Variants in ABLIM2 observed in about 807,000 individuals in gnomAD.
ABLIM2 encodes the protein actin binding LIM protein family member 2.
ABLIM2 carries 53 observed loss-of-function variants against 97.7 expected under a neutral mutation model. That is an observed-to-expected ratio of 0.54 (90% CI 0.44 to 0.68). The LOEUF (loss-of-function observed/expected upper bound fraction) is 0.68. Ranked by LOEUF, ABLIM2 falls within the 30% of genes least tolerant of loss-of-function variation. The pLI, the probability that ABLIM2 is intolerant of heterozygous loss-of-function variation, is 0.00. For synonymous variants in ABLIM2, 361 were observed against 345.8 expected (o/e 1.04, Z -0.49); for missense variants, 835 against 867.2 (o/e 0.96, Z 0.47).
Position 8,130,285 on chromosome 4 carries a change from G to T in ABLIM2, c.11-23648C>A, listed in dbSNP as rs775567115. Among the ~76,000 whole-genome samples, 12 of 152,230 alleles carry T rather than the reference G, an allele frequency of 7.9e-5. No homozygotes were observed. The highest frequency in any genetic ancestry group is 1.8e-4 in the Non-Finnish European group (12 of 68,048). On this transcript the variant is annotated intron_variant, in intron 1 of 20. Coordinates refer to ENST00000447017, the MANE Select transcript of ABLIM2 (RefSeq NM_001130083.2). The surrounding 1 kb of genome is among the most constrained non-coding windows in gnomAD (Gnocchi z 4.2). ...CGGCCGCATCTGTCACCAGTTCCGGGATGGCCCATGCTGGGAAACATCACG... is the reference window on the plus strand; with the variant it reads ...CGGCCGCATCTGTCACCAGTTCCGGTATGGCCCATGCTGGGAAACATCACG...
At chr4:8,108,451 T>C (rs529897824) in intron 1 of ABLIM2, among the ~76,000 whole-genome samples, 1 of 152,290 alleles carries the variant, frequency 6.6e-6, no homozygotes, top group African/African-American at 2.4e-5. Flanking sequence ...AGGAGTCAAG[T>C]CCGGCCACGG....
rs1761005449 is a variant in ABLIM2, at chr4:8,005,938, C to T, written c.1618+2121G>A. On this transcript the variant is annotated intron_variant, in intron 16 of 20. Coordinates refer to ENST00000447017, the MANE Select transcript of ABLIM2 (RefSeq NM_001130083.2). The surrounding 1 kb of genome is among the most constrained non-coding windows in gnomAD (Gnocchi z 4.9). ...CACGGGCCATTGGAGTCCTGCAGAC[C>T]CAGCATGCCAGGATGGAGGCAGCCG... Among the ~76,000 whole-genome samples the T allele has an allele frequency of 6.6e-6, 1 of 152,194 alleles. No individual in the cohort carries two copies. The highest frequency in any genetic ancestry group is 2.4e-5 in the African/African-American group (1 of 41,458).
chr4:7,976,327 AAC>A (rs1423892289), intron 20 of ABLIM2, among the ~76,000 whole-genome samples: 3 of 152,134 alleles, frequency 2.0e-5, no homozygotes, highest in African/African-American at 7.2e-5. Flanking sequence ...CCAGTCCACA[AAC>A]AGTGTCCAAG....
intron 16 of ABLIM2, among the ~76,000 whole-genome samples, chr4:8,006,499 C>T (rs2150356631): frequency 6.6e-6 from 1 of 152,340 alleles, no homozygotes; most frequent in Non-Finnish European, 1.5e-5. Flanking sequence ...TCCTGGTTCC[C>T]AGGGCAAATG....
intron 1 of ABLIM2, among the ~76,000 whole-genome samples, chr4:8,110,057 T>C (rs1378308553): frequency 6.6e-6 from 1 of 152,224 alleles, no homozygotes; most frequent in Non-Finnish European, 1.5e-5. Flanking sequence ...AGGATTAGAA[T>C]TGTGGACTGA....
chr4:8,091,592 AT>A (rs1828284194), intron 3 of ABLIM2, among the ~76,000 whole-genome samples: 1 of 38,654 alleles, frequency 2.6e-5, no homozygotes, highest in African/African-American at 1.0e-4. Flanking sequence ...AAAATTATAT[AT>A]ATAATTATAT....
chr4:7,977,774 G>C (rs1734663969), intron 20 of ABLIM2, among the ~76,000 whole-genome samples: 1 of 116,064 alleles, frequency 8.6e-6, no homozygotes, highest in South Asian at 2.7e-4. Flanking sequence ...CTGGGAGACT[G>C]AGGGAGACTC....
intron 1 of ABLIM2, among the ~76,000 whole-genome samples, chr4:8,107,150 G>A (rs1042011267): frequency 6.6e-6 from 1 of 152,234 alleles, no homozygotes; most frequent in Non-Finnish European, 1.5e-5. Context: ...TCTGGGTCCT[G>A]GGACATGGAG....
At position 8,095,905 on chromosome 4, in the gene ABLIM2, T is replaced by G. The variant is rs1831329464; in HGVS notation, c.338+1194A>C. Among the ~76,000 whole-genome samples, 2 of 152,302 alleles carry G rather than the reference T, an allele frequency of 1.3e-5. No homozygotes were observed. The highest frequency in any genetic ancestry group is 1.3e-4 in the Admixed American group (2 of 15,294). On this transcript the variant is annotated intron_variant, in intron 3 of 20. Coordinates refer to ENST00000447017, the MANE Select transcript of ABLIM2 (RefSeq NM_001130083.2). The surrounding 1 kb of genome is among the most constrained non-coding windows in gnomAD (Gnocchi z 4.7). The stretch of plus-strand genomic sequence containing the variant: ...AACCTGGTCATTCTCTGCCCCACTG[T>G]GTGAAATTCCTCTGCGACTACAGGG...
rs1460448721 is a variant in ABLIM2, at chr4:8,032,180, C to A, written c.1048-2404G>T. Among the ~76,000 whole-genome samples the A allele has an allele frequency of 3.5e-5, 5 of 144,394 alleles. No homozygotes were observed. Among genetic ancestry groups the A allele is most frequent in the African/African-American group, 1.3e-4 (5 of 37,526 alleles). 94.7% of individuals were successfully genotyped at this position (144,394 alleles called of 152,430 possible). ...GTCTGATTGGCAGCTCTCTATGTCACTGATTAATTTTGAGAAACAGAAAAA... is the reference window on the plus strand; with the variant it reads ...GTCTGATTGGCAGCTCTCTATGTCAATGATTAATTTTGAGAAACAGAAAAA... On this transcript the variant is annotated intron_variant, in intron 10 of 20. Coordinates refer to ENST00000447017, the MANE Select transcript of ABLIM2 (RefSeq NM_001130083.2). The surrounding 1 kb of genome is among the most constrained non-coding windows in gnomAD (Gnocchi z 4.3).
intron 12 of ABLIM2, among the ~76,000 whole-genome samples, chr4:8,026,636 C>T (rs1432095221): frequency 1.3e-5 from 2 of 152,364 alleles, no homozygotes; most frequent in East Asian, 3.9e-4. Flanking sequence ...ATCATTGCTG[C>T]CTCCTCTAAT....
rs1484776497 is a variant in ABLIM2 at position 8,124,341 on chromosome 4, G to C, written c.11-17704C>G. On this transcript the variant is annotated intron_variant, in intron 1 of 20. Coordinates refer to ENST00000447017, the MANE Select transcript of ABLIM2 (RefSeq NM_001130083.2). The surrounding 1 kb of genome is among the most constrained non-coding windows in gnomAD (Gnocchi z 6.1). ...ATGGCTTTTGGTATTTCACAGAGCT[G>C]CGTGCTGATCACCATAATCCATTTT... 1.3e-5 allele frequency among the ~76,000 whole-genome samples: 2 copies of C among 152,194 alleles called. No homozygotes were observed. The highest frequency in any genetic ancestry group is 2.9e-5 in the Non-Finnish European group (2 of 68,038).
chr4:7,979,525 T>C (rs904170652), intron 20 of ABLIM2, among the ~76,000 whole-genome samples: 1 of 152,248 alleles, frequency 6.6e-6, no homozygotes, highest in Non-Finnish European at 1.5e-5. Flanking sequence ...ACCTGAGTCA[T>C]GTGACAGGCA....
intron 1 of ABLIM2, among the ~76,000 whole-genome samples, chr4:8,139,683 G>C (rs746791770): frequency 2.0e-5 from 3 of 152,204 alleles, no homozygotes; most frequent in Non-Finnish European, 4.4e-5. Flanking sequence ...CATTGTGAAA[G>C]ATAGTGTGCT....
Position 7,966,782 on chromosome 4 carries a change from G to A in ABLIM2, c.*208C>T, listed in dbSNP as rs373567508. ...ACACCAAGCCACAGCGGGGAAGGGT[G>A]GCGTGAAGCTAGCCGTCTCGGCCCT... On this transcript the variant is annotated 3_prime_UTR_variant, in exon 21 of 21. Transcript: ENST00000447017. The A allele has an allele frequency of 3.5e-6, 2 of 564,754 alleles. No individual in the cohort carries two copies. The highest frequency in any genetic ancestry group is 4.7e-5 in the South Asian group (2 of 42,836). 35.0% of individuals were successfully genotyped at this position (564,754 alleles called of 1,614,324 possible).
Position 8,022,615 on chromosome 4 carries a change from G to T in ABLIM2, c.1268-2312C>A, listed in dbSNP as rs1774541520. On this transcript the variant is annotated intron_variant, in intron 12 of 20. Coordinates refer to ENST00000447017, the MANE Select transcript of ABLIM2 (RefSeq NM_001130083.2). This position sits in a 1 kb window ranked among gnomAD's most constrained non-coding sequence, Gnocchi z 7.8. ...CTCTCCAGGGCTTCCCACCTGTCCG[G>T]ACCCTTCCTGGGTCCAGGTTCAGGC... 1 of 152,468 alleles carries T rather than the reference G, an allele frequency of 6.6e-6. No individual in the cohort carries two copies. Among genetic ancestry groups the T allele is most frequent in the South Asian group, 2.1e-4 (1 of 4,830 alleles). The allele number at this position is 152,468 out of a possible 1,614,324, so 9.4% of individuals were successfully genotyped here.
intron 20 of ABLIM2, among the ~76,000 whole-genome samples, chr4:7,972,862 C>T (rs1235773476): frequency 2.0e-5 from 3 of 152,164 alleles, no homozygotes; most frequent in African/African-American, 7.2e-5. Context: ...TATTGTCACC[C>T]TCAGTCTACC....
chr4:8,056,135 A>AAAAAAAAAAAAAAAAAT, intron 7 of ABLIM2, among the ~76,000 whole-genome samples: 1 of 142,610 alleles, frequency 7.0e-6, no homozygotes, highest in South Asian at 2.3e-4. Flanking sequence ...AAAAAAAAAA[A>AAAAAAAAAAAAAAAAAT]AAAAGTAACA....
intron 20 of ABLIM2, among the ~76,000 whole-genome samples, chr4:7,967,777 A>C (rs1724123799): frequency 6.6e-6 from 1 of 152,204 alleles, no homozygotes; most frequent in Non-Finnish European, 1.5e-5. Context: ...CTGGAGCCTC[A>C]GTCTGCTCAT....
Sources: allele counts gnomAD v4.1 joint callset (sites outside exome capture counted in the v4.1 genomes callset), GRCh38; gene constraint gnomAD v4.1.1; non-coding constraint Gnocchi (gnomAD v3.1); transcripts MANE v1.5; gene names NCBI Gene and HGNC (gene_info 2026-07-23, HGNC 2026-07-21).